Variants in PLXDC2 observed in about 807,000 individuals in gnomAD.
PLXDC2 encodes plexin domain containing 2.
In PLXDC2, 40 loss-of-function variants were observed where a neutral mutation model predicts 68.9. The ratio of observed to expected loss-of-function variants is 0.58; its 90% CI spans 0.45 to 0.76. PLXDC2 has a LOEUF of 0.76. Among genes scored for constraint, PLXDC2 ranks in the 30% least tolerant of loss-of-function variants. PLXDC2 has a pLI of 0.00. For missense variants in PLXDC2, 644 were observed against 661.9 expected (o/e 0.97, Z 0.30); for synonymous variants, 243 against 234.2 (o/e 1.04, Z -0.34).
intron 1 of PLXDC2, among the ~76,000 whole-genome samples, chr10:19,847,125 A>C (rs1456217302): frequency 6.6e-6 from 1 of 152,294 alleles, no homozygotes; most frequent in Non-Finnish European, 1.5e-5. Context: ...GGGAGGGGAC[A>C]CAGAGTCAAA....
chr10:20,182,532 T>C (rs1192363187), intron 9 of PLXDC2, among the ~76,000 whole-genome samples: 1 of 151,982 alleles, frequency 6.6e-6, no homozygotes, highest in East Asian at 1.9e-4. Context: ...GAGGCTTTTA[T>C]GAGTGATGAA....
chr10:20,099,216 A>G (rs922590198), intron 4 of PLXDC2, among the ~76,000 whole-genome samples: 1 of 152,218 alleles, frequency 6.6e-6, no homozygotes, highest in African/African-American at 2.4e-5. Context: ...ACTGAAGAGC[A>G]TGAAGGAAAA....
chr10:19,853,993 G>C (rs1458110312), intron 1 of PLXDC2, among the ~76,000 whole-genome samples: 1 of 152,150 alleles, frequency 6.6e-6, no homozygotes, highest in Non-Finnish European at 1.5e-5. Flanking sequence ...CTGGGCACCG[G>C]AGGTGTTGTG....
At chr10:20,126,275 A>G (rs977729172) in intron 4 of PLXDC2, among the ~76,000 whole-genome samples, 7 of 147,222 alleles carry the variant, frequency 4.8e-5, no homozygotes, top group Non-Finnish European at 9.0e-5. Context: ...TAATACATAT[A>G]TACATATACG....
At chr10:20,107,276 T>C (rs991478359) in intron 4 of PLXDC2, among the ~76,000 whole-genome samples, 3 of 152,064 alleles carry the variant, frequency 2.0e-5, no homozygotes, top group African/African-American at 7.2e-5. Context: ...GTCTTTCATC[T>C]CCAGCAAAAG....
In PLXDC2 at chr10:20,271,486, A is replaced by C. The variant is rs140183554; in HGVS notation, c.1474-8217A>C. Among the ~76,000 whole-genome samples, 766 of 152,322 alleles carry C rather than the reference A, an allele frequency of 5.0e-3. 4 individuals carry two copies. The highest frequency in any genetic ancestry group is 7.4e-3 in the Non-Finnish European group (500 of 68,026). On this transcript the variant is annotated intron_variant, in intron 13 of 13. Coordinates refer to ENST00000377252, the MANE Select transcript of PLXDC2 (RefSeq NM_032812.9). ...GAATTCAACAAGAGAAGAGTAAATG[A>C]ATCACTGACTTTCCAATGGAAATTA...
intron 1 of PLXDC2, among the ~76,000 whole-genome samples, chr10:19,832,547 G>A (rs1376807160): frequency 6.6e-6 from 1 of 152,164 alleles, no homozygotes; most frequent in African/African-American, 2.4e-5. Context: ...AAATATCTTT[G>A]TAAAGTTCAA....
At chr10:20,149,226 TTTC>T (rs1476070517) in intron 6 of PLXDC2, among the ~76,000 whole-genome samples, 4 of 128,152 alleles carry the variant, frequency 3.1e-5, no homozygotes, top group South Asian at 2.6e-4. Flanking sequence ...TTTTTTTTCT[TTTC>T]TTTTTTTTTT....
intron 1 of PLXDC2, among the ~76,000 whole-genome samples, chr10:19,832,688 G>A (rs987831415): frequency 1.3e-5 from 2 of 152,194 alleles, no homozygotes; most frequent in African/African-American, 4.8e-5. Context: ...CTATATATAA[G>A]GGGTGTGATT....
chr10:19,917,412 CATCAAAAGT>C (rs1564628241), intron 1 of PLXDC2, among the ~76,000 whole-genome samples: 1 of 152,118 alleles, frequency 6.6e-6, no homozygotes, highest in Admixed American at 6.5e-5. Context: ...TGAAATTGAG[CATCAAAAGT>C]ATCACAAAAA....
At chr10:19,859,244 A>AAAAC (rs146784278) in intron 1 of PLXDC2, among the ~76,000 whole-genome samples, 69 of 151,996 alleles carry the variant, frequency 4.5e-4, no homozygotes, top group African/African-American at 8.7e-4. Flanking sequence ...CACAGGGCAA[A>AAAAC]AAACAAACAA....
At chr10:20,246,334 C>T (rs1835594680) in intron 13 of PLXDC2, among the ~76,000 whole-genome samples, 1 of 152,140 alleles carries the variant, frequency 6.6e-6, no homozygotes, top group South Asian at 2.1e-4. Flanking sequence ...TTCCTGGGCC[C>T]CATGCATATG....
At chr10:20,047,087 A>G in intron 3 of PLXDC2, 72 bp downstream of exon 3, 1 of 1,409,508 alleles carries the variant, frequency 7.1e-7, no homozygotes, top group Non-Finnish European at 9.5e-7. Flanking sequence ...GCCTACAACC[A>G]TTTCTTTTAT....
intron 12 of PLXDC2, among the ~76,000 whole-genome samples, chr10:20,234,168 C>A (rs1835401650): frequency 1.3e-5 from 2 of 152,136 alleles, no homozygotes; most frequent in African/African-American, 4.8e-5. Flanking sequence ...ACCTTAACTT[C>A]TTCTTGAATC....
chr10:20,239,809 C>T (rs1235189111), intron 12 of PLXDC2, among the ~76,000 whole-genome samples: 1 of 152,154 alleles, frequency 6.6e-6, no homozygotes, highest in Non-Finnish European at 1.5e-5. Flanking sequence ...GTATTTTCTG[C>T]AGGAGGGAAA....
chr10:20,037,954 T>C (rs1457885910), intron 2 of PLXDC2, among the ~76,000 whole-genome samples: 1 of 152,004 alleles, frequency 6.6e-6, no homozygotes, highest in Non-Finnish European at 1.5e-5. Flanking sequence ...TTTAGGAGGG[T>C]CACTTAACTA....
intron 2 of PLXDC2, among the ~76,000 whole-genome samples, chr10:20,045,095 C>T (rs995148989): frequency 6.6e-6 from 1 of 152,152 alleles, no homozygotes; most frequent in Non-Finnish European, 1.5e-5. Context: ...GTTCTTCTTT[C>T]TCTGCAGACC....
intron 1 of PLXDC2, among the ~76,000 whole-genome samples, chr10:19,909,315 T>C (rs931166665): frequency 1.3e-4 from 20 of 152,228 alleles, no homozygotes; most frequent in African/African-American, 4.6e-4. Context: ...CACATTTATC[T>C]AGCCCAAACT....
At chr10:20,050,301 G>A (rs1438132202) in intron 3 of PLXDC2, among the ~76,000 whole-genome samples, 1 of 152,010 alleles carries the variant, frequency 6.6e-6, no homozygotes, top group Non-Finnish European at 1.5e-5. Context: ...CATAGTAACA[G>A]GCAAAGATTT....
Sources: allele counts gnomAD v4.1 joint callset (sites outside exome capture counted in the v4.1 genomes callset), GRCh38; gene constraint gnomAD v4.1.1; transcripts MANE v1.5; gene names NCBI Gene and HGNC (gene_info 2026-07-23, HGNC 2026-07-21).